The following MACROD2 variants were observed in gnomAD, a reference collection of about 807,000 sequenced individuals.
The protein encoded by MACROD2 is ADP-ribose glycohydrolase MACROD2.
In MACROD2, 36 loss-of-function variants were observed where a neutral mutation model predicts 70.4. The observed-to-expected ratio is 0.51, with a 90% CI of 0.39 to 0.68. The LOEUF is 0.68. Ranked by LOEUF, MACROD2 falls within the 30% of genes least tolerant of loss-of-function variation. The pLI, the probability that MACROD2 is intolerant of heterozygous loss-of-function variation, is 0.00. For missense variants in MACROD2, 496 were observed against 538.4 expected (o/e 0.92, Z 0.78); for synonymous variants, 172 against 178.8 (o/e 0.96, Z 0.30).
intron 5 of MACROD2, among the ~76,000 whole-genome samples, chr20:15,039,359 G>GACCT (rs2123021801): frequency 6.6e-6 from 1 of 152,264 alleles, no homozygotes; most frequent in East Asian, 1.9e-4. Flanking sequence ...TCTTAGGGGA[G>GACCT]GTAGGTCAGA....
At chr20:14,926,420 C>T (rs1477516238) in intron 5 of MACROD2, among the ~76,000 whole-genome samples, 2 of 151,660 alleles carry the variant, frequency 1.3e-5, no homozygotes, top group African/African-American at 2.4e-5. Flanking sequence ...TATGGTGGTG[C>T]GTGCCTGTAG....
intron 8 of MACROD2, among the ~76,000 whole-genome samples, chr20:15,807,678 T>C (rs532980556): frequency 5.5e-4 from 84 of 152,316 alleles, no homozygotes; most frequent in Non-Finnish European, 2.1e-4. Flanking sequence ...TTTGGATATA[T>C]TGAGTTAAAT....
intron 5 of MACROD2, among the ~76,000 whole-genome samples, chr20:14,881,505 T>C (rs2073610799): frequency 6.6e-6 from 1 of 151,980 alleles, no homozygotes; most frequent in Non-Finnish European, 1.5e-5. Flanking sequence ...TTGAATGGGG[T>C]AATTCATAAA....
chr20:15,334,991 C>A (rs151066125), intron 6 of MACROD2, among the ~76,000 whole-genome samples: 1 of 151,818 alleles, frequency 6.6e-6, no homozygotes. Context: ...TAGTTACCAT[C>A]TTTTATGACA....
At chr20:14,549,432 C>T (rs1011412238) in intron 4 of MACROD2, among the ~76,000 whole-genome samples, 3 of 151,910 alleles carry the variant, frequency 2.0e-5, no homozygotes, top group African/African-American at 7.3e-5. Context: ...GTTCTTATCA[C>T]CTGTTTTATA....
chr20:14,053,116 G>A (rs1223919644), intron 2 of MACROD2: 1 of 144,642 alleles, frequency 6.9e-6, no homozygotes, highest in East Asian at 2.0e-4. Flanking sequence ...TCTAGGAAAA[G>A]AGCCTTTTAT....
chr20:15,195,801 T>C (rs1171082136), intron 5 of MACROD2, among the ~76,000 whole-genome samples: 1 of 152,200 alleles, frequency 6.6e-6, no homozygotes, highest in Non-Finnish European at 1.5e-5. Context: ...TGCATCACTA[T>C]TCACAACAGC....
chr20:15,653,027 A>G (rs192891670), intron 8 of MACROD2, among the ~76,000 whole-genome samples: 2 of 152,346 alleles, frequency 1.3e-5, no homozygotes, highest in Admixed American at 1.3e-4. Context: ...TTCAAGTAGG[A>G]AAGATCTAAA....
intron 4 of MACROD2, among the ~76,000 whole-genome samples, chr20:14,618,043 T>G (rs1983582383): frequency 6.6e-6 from 1 of 152,086 alleles, no homozygotes; most frequent in South Asian, 2.1e-4. Flanking sequence ...GCAACCTGAG[T>G]AATTGAATGA....
chr20:14,261,748 G>A (rs1300403873), intron 3 of MACROD2, among the ~76,000 whole-genome samples: 1 of 152,160 alleles, frequency 6.6e-6, no homozygotes, highest in Non-Finnish European at 1.5e-5. Flanking sequence ...CAGTACAAAG[G>A]TGAGTAACTC....
chr20:15,982,157 T>G (rs983560011), intron 13 of MACROD2, among the ~76,000 whole-genome samples: 4 of 152,148 alleles, frequency 2.6e-5, no homozygotes, highest in Non-Finnish European at 5.9e-5. Flanking sequence ...TCCTTAATCT[T>G]ACTTTAAAGA....
At chr20:15,178,503 A>G (rs886314549) in intron 5 of MACROD2, among the ~76,000 whole-genome samples, 1 of 152,220 alleles carries the variant, frequency 6.6e-6, no homozygotes, top group East Asian at 1.9e-4. Context: ...GCACCTATGC[A>G]TGCATATAAC....
chr20:15,107,560 T>C lies in MACROD2; in HGVS notation c.419-122380T>C, dbSNP rs193232274. Among the ~76,000 whole-genome samples, 387 of 152,166 alleles carry C rather than the reference T, an allele frequency of 2.5e-3. 12 individuals are homozygous for C. The highest frequency in any genetic ancestry group is 0.024 in the Admixed American group (360 of 15,282). On this transcript the variant is annotated intron_variant, in intron 5 of 17. Coordinates refer to ENST00000684519, the MANE Select transcript of MACROD2 (RefSeq NM_001351661.2). ...TTATGCTTCCTATCTTTTTTTTTTT[T>C]CAATCCAGAAGTGTGATCATGACAA...
chr20:15,048,466 A>AAG (rs1016522768), intron 5 of MACROD2, among the ~76,000 whole-genome samples: 24 of 151,980 alleles, frequency 1.6e-4, no homozygotes, highest in African/African-American at 5.8e-4. Context: ...TTTTCTGTAA[A>AAG]AAAAAAAAAT....
At chr20:15,302,322 C>CCTAACTA (rs2077652990) in intron 6 of MACROD2, among the ~76,000 whole-genome samples, 9 of 151,814 alleles carry the variant, frequency 5.9e-5, no homozygotes, top group Admixed American at 5.9e-4. Flanking sequence ...GAACATAAAT[C>CCTAACTA]CTAACTACTG....
At chr20:15,959,362 C>A (rs752008957) in intron 12 of MACROD2, among the ~76,000 whole-genome samples, 2 of 152,250 alleles carry the variant, frequency 1.3e-5, no homozygotes, top group Non-Finnish European at 2.9e-5. Flanking sequence ...CTTTGTATGA[C>A]CAGGCTGTTT....
chr20:15,058,292 C>T (rs1298364258), intron 5 of MACROD2, among the ~76,000 whole-genome samples: 1 of 152,056 alleles, frequency 6.6e-6, no homozygotes, highest in Non-Finnish European at 1.5e-5. Flanking sequence ...CATAGACTGT[C>T]CCCCAACCCC....
intron 3 of MACROD2, among the ~76,000 whole-genome samples, chr20:14,224,652 CCTT>C (rs1054004548): frequency 6.6e-6 from 1 of 152,116 alleles, no homozygotes; most frequent in Non-Finnish European, 1.5e-5. Context: ...AACTTCAGAT[CCTT>C]CTTGTTTAGA....
intron 3 of MACROD2, among the ~76,000 whole-genome samples, chr20:14,154,103 C>G (rs2055060260): frequency 6.6e-6 from 1 of 152,188 alleles, no homozygotes; most frequent in Non-Finnish European, 1.5e-5. Context: ...GTTAGATCTA[C>G]TAAATATTTA....
Sources: gnomAD v4.1 joint callset for allele counts (sites outside exome capture counted in the v4.1 genomes callset) on GRCh38, gnomAD v4.1.1 for gene constraint, MANE v1.5 for transcripts, NCBI Gene and HGNC (gene_info 2026-07-23, HGNC 2026-07-21) for gene names.